LOC128071547: variants seen among roughly 807,000 people sequenced by gnomAD.
At chr12:120,534,944 G>A in the LOC128071547 span, 1 of 1,601,660 alleles carries the variant, frequency 6.2e-7, no homozygotes. Flanking sequence ...GGCGGGGCCA[G>A]CCGGCGAGTC....
the LOC128071547 span, chr12:120,534,846 C>T: frequency 8.7e-6 from 14 of 1,605,176 alleles, no homozygotes; most frequent in Admixed American, 2.3e-4. Context: ...GCCGCCACCG[C>T]CTCCGACATG....
the LOC128071547 span, chr12:120,534,948 G>A: frequency 6.2e-7 from 1 of 1,601,214 alleles, no homozygotes; most frequent in Non-Finnish European, 8.5e-7. Flanking sequence ...GGGCCAGCCG[G>A]CGAGTCTAAA....
the LOC128071547 span, chr12:120,534,927 C>T: frequency 1.2e-6 from 2 of 1,605,466 alleles, no homozygotes; most frequent in South Asian, 1.1e-5. Flanking sequence ...CCGCCCCGCT[C>T]CGCCTCGGCG....
At chr12:120,534,849 C>G in the LOC128071547 span, 1 of 1,606,266 alleles carries the variant, frequency 6.2e-7, no homozygotes, top group Non-Finnish European at 8.5e-7. Flanking sequence ...GCCACCGCCT[C>G]CGACATGGAC....
chr12:120,534,933 C>G, the LOC128071547 span: 1 of 1,603,070 alleles, frequency 6.2e-7, no homozygotes, highest in South Asian at 1.1e-5. Flanking sequence ...CGCTCCGCCT[C>G]GGCGGGGCCA....
At chr12:120,534,729 C>T in the LOC128071547 span, 1 of 1,415,076 alleles carries the variant, frequency 7.1e-7, no homozygotes, top group Non-Finnish European at 9.1e-7. Context: ...GCCGCCGACC[C>T]CCGCCGGCCC....
chr12:120,534,871 C>T, the LOC128071547 span: 12 of 1,608,396 alleles, frequency 7.5e-6, no homozygotes, highest in East Asian at 2.7e-4. Context: ...AGAACAGCGG[C>T]TCCAACAGCT....
chr12:120,534,937 G>T, the LOC128071547 span: 1 of 1,602,360 alleles, frequency 6.2e-7, no homozygotes, highest in Non-Finnish European at 8.5e-7. Flanking sequence ...CCGCCTCGGC[G>T]GGGCCAGCCG....
At chr12:120,534,817 G>C in the LOC128071547 span, 1 of 1,581,074 alleles carries the variant, frequency 6.3e-7, no homozygotes, top group Non-Finnish European at 8.5e-7. Flanking sequence ...CGTTGATGCC[G>C]CTGAGCTCCC....
At chr12:120,534,957 A>T in the LOC128071547 span, 1 of 1,599,280 alleles carries the variant, frequency 6.3e-7, no homozygotes, top group South Asian at 1.1e-5. Flanking sequence ...GGCGAGTCTA[A>T]ACCCAAGAGC....
At chr12:120,534,732 G>A in the LOC128071547 span, 1 of 1,425,408 alleles carries the variant, frequency 7.0e-7, no homozygotes, top group Non-Finnish European at 9.1e-7. Context: ...GCCGACCCCC[G>A]CCGGCCCTGA....
the LOC128071547 span, chr12:120,534,761 C>G: frequency 3.3e-6 from 5 of 1,516,976 alleles, no homozygotes; most frequent in East Asian, 7.7e-5. Flanking sequence ...AGCCTGGGTC[C>G]CCGCCGCGCC....
chr12:120,534,735 G>A, the LOC128071547 span: 1 of 1,429,618 alleles, frequency 7.0e-7, no homozygotes, highest in Non-Finnish European at 9.1e-7. Context: ...GACCCCCGCC[G>A]GCCCTGAACG....
chr12:120,534,894 C>G, the LOC128071547 span: 2 of 1,608,072 alleles, frequency 1.2e-6, no homozygotes, highest in Admixed American at 1.7e-5. Context: ...TCCGCCTCTT[C>G]GGGCAGCAGC....
At chr12:120,534,833 G>A in the LOC128071547 span, 4 of 1,595,986 alleles carry the variant, frequency 2.5e-6, no homozygotes, top group African/African-American at 1.3e-5. Context: ...CTCCCCCAAC[G>A]CCGCCGCCAC....
At chr12:120,534,842 A>G in the LOC128071547 span, 26 of 1,602,846 alleles carry the variant, frequency 1.6e-5, no homozygotes, top group Admixed American at 4.4e-4. Context: ...CGCCGCCGCC[A>G]CCGCCTCCGA....
the LOC128071547 span, chr12:120,534,947 G>C: frequency 2.5e-6 from 4 of 1,601,194 alleles, no homozygotes; most frequent in Admixed American, 1.7e-5. Flanking sequence ...GGGGCCAGCC[G>C]GCGAGTCTAA....
At chr12:120,534,796 G>C in the LOC128071547 span, 1 of 1,554,432 alleles carries the variant, frequency 6.4e-7, no homozygotes, top group Non-Finnish European at 8.6e-7. Context: ...TGCCGTCGCC[G>C]CCGAGGCCCC....
the LOC128071547 span, chr12:120,534,929 G>A: frequency 6.2e-7 from 1 of 1,604,628 alleles, no homozygotes; most frequent in Non-Finnish European, 8.5e-7. Flanking sequence ...GCCCCGCTCC[G>A]CCTCGGCGGG....
Sources: allele counts gnomAD v4.1 joint callset, GRCh38; gene constraint gnomAD v4.1.1; transcripts MANE v1.5.